Variants in PLCB1 observed in about 807,000 individuals in gnomAD.
PLCB1 encodes the protein 1-phosphatidylinositol 4,5-bisphosphate phosphodiesterase beta-1.
A neutral mutation model predicts 161.8 loss-of-function variants in PLCB1; 46 were observed. That is an observed-to-expected ratio of 0.28 (90% CI 0.22 to 0.36). The LOEUF is 0.36. Ranked by LOEUF, PLCB1 falls within the 10% of genes least tolerant of loss-of-function variation. PLCB1 has a pLI of 1.00. For missense variants in PLCB1, 1,016 were observed against 1,472.5 expected (o/e 0.69, Z 5.07); for synonymous variants, 517 against 503.7 (o/e 1.03, Z -0.35).
intron 6 of PLCB1, among the ~76,000 whole-genome samples, chr20:8,648,158 A>G (rs1989216733): frequency 6.6e-6 from 1 of 152,030 alleles, no homozygotes; most frequent in Non-Finnish European, 1.5e-5. Context: ...CTCTGGCATT[A>G]TTTTCAAGAA....
chr20:8,637,673 A>C (rs184436954), intron 4 of PLCB1, among the ~76,000 whole-genome samples: 9 of 152,356 alleles, frequency 5.9e-5, no homozygotes, highest in Admixed American at 5.2e-4. Context: ...TATACTTGTT[A>C]TTAGGAATGT....
intron 3 of PLCB1, among the ~76,000 whole-genome samples, chr20:8,448,651 A>G (rs1568680866): frequency 6.6e-6 from 1 of 152,220 alleles, no homozygotes; most frequent in Non-Finnish European, 1.5e-5. Context: ...GAGAATGTCA[A>G]TGTGATATCT....
chr20:8,716,682 T>C (rs965308987), intron 13 of PLCB1, among the ~76,000 whole-genome samples: 4 of 152,136 alleles, frequency 2.6e-5, no homozygotes, highest in Non-Finnish European at 4.4e-5. Context: ...CACACCTCTT[T>C]GAGATGAATG....
intron 3 of PLCB1, among the ~76,000 whole-genome samples, chr20:8,590,193 C>T (rs1987106860): frequency 6.6e-6 from 1 of 152,148 alleles, no homozygotes; most frequent in East Asian, 1.9e-4. Flanking sequence ...ACTGAGACAT[C>T]CTTGAAGAAT....
At chr20:8,869,844 T>C (rs753484124) in intron 31 of PLCB1, among the ~76,000 whole-genome samples, 2 of 152,108 alleles carry the variant, frequency 1.3e-5, no homozygotes, top group African/African-American at 4.8e-5. Context: ...TGGGTATCAG[T>C]TGGATGTTGA....
chr20:8,830,714 G>A (rs975994600), intron 31 of PLCB1, among the ~76,000 whole-genome samples: 1 of 151,876 alleles, frequency 6.6e-6, no homozygotes, highest in African/African-American at 2.4e-5. Flanking sequence ...AGAACCTACT[G>A]AATATGAGTC....
At chr20:8,145,465 C>T (rs1003171403) in intron 1 of PLCB1, among the ~76,000 whole-genome samples, 1 of 152,178 alleles carries the variant, frequency 6.6e-6, no homozygotes. Flanking sequence ...GACATACCTC[C>T]GCCTGGTAAA....
At chr20:8,444,211 C>T (rs934677934) in intron 3 of PLCB1, among the ~76,000 whole-genome samples, 87 of 151,688 alleles carry the variant, frequency 5.7e-4, no homozygotes, top group African/African-American at 2.0e-3. Context: ...CATGACAGGC[C>T]GCGGTGTGTG....
At chr20:8,572,938 T>C (rs1470932796) in intron 3 of PLCB1, among the ~76,000 whole-genome samples, 1 of 152,170 alleles carries the variant, frequency 6.6e-6, no homozygotes, top group East Asian at 1.9e-4. Flanking sequence ...TTAGTATTTA[T>C]ATATTTAATA....
chr20:8,658,476 C>A (rs1989527178), intron 8 of PLCB1, 62 bp from the exon 9 acceptor site: 1 of 1,262,786 alleles, frequency 7.9e-7, no homozygotes, highest in Non-Finnish European at 1.1e-6. Flanking sequence ...GAGTTAAATG[C>A]AAATATTAGA....
At chr20:8,636,998 G>A (rs1988781400) in intron 4 of PLCB1, among the ~76,000 whole-genome samples, 1 of 150,238 alleles carries the variant, frequency 6.7e-6, no homozygotes, top group Non-Finnish European at 1.5e-5. Context: ...CATTACCGGT[G>A]TGCCTAGCCT....
At position 8,851,148 on chromosome 20, in the gene PLCB1, G is replaced by A. The variant is rs141167184; in HGVS notation, c.3424-30474G>A. On this transcript the variant is annotated intron_variant, in intron 31 of 31. Transcript: ENST00000338037. Reference sequence around the variant, plus strand: ...CTGGGGCCATGTTCCAATGGACTTGGCAGCAATTAGCTGGATCTGAGGAGT... The same window carrying A: ...CTGGGGCCATGTTCCAATGGACTTGACAGCAATTAGCTGGATCTGAGGAGT... Among the ~76,000 whole-genome samples, 8 of 152,276 alleles carry A rather than the reference G, an allele frequency of 5.3e-5. No individual in the cohort carries two copies. In the East Asian group the frequency reaches 1.4e-3, roughly 26 times the overall value.
intron 9 of PLCB1, among the ~76,000 whole-genome samples, chr20:8,672,318 T>C (rs1179263183): frequency 6.6e-6 from 1 of 152,170 alleles, no homozygotes; most frequent in Non-Finnish European, 1.5e-5. Context: ...CATAAAAGAT[T>C]GTTAAACAAT....
At chr20:8,838,987 A>C (rs1452640887) in intron 31 of PLCB1, among the ~76,000 whole-genome samples, 1 of 152,212 alleles carries the variant, frequency 6.6e-6, no homozygotes, top group East Asian at 1.9e-4. Context: ...CGTCCTACAT[A>C]AGGGGCATAT....
chr20:8,178,810 A>G (rs1350312673), intron 2 of PLCB1, among the ~76,000 whole-genome samples: 2 of 152,110 alleles, frequency 1.3e-5, no homozygotes, highest in Non-Finnish European at 2.9e-5. Context: ...TTATTTTTGT[A>G]TATGGTTTAA....
intron 3 of PLCB1, among the ~76,000 whole-genome samples, chr20:8,411,654 C>G (rs916387349): frequency 6.6e-6 from 1 of 152,046 alleles, no homozygotes; most frequent in Non-Finnish European, 1.5e-5. Context: ...TATACAGAGA[C>G]CCCAATAGCA....
chr20:8,373,945 G>T lies in PLCB1; in HGVS notation c.246+2495G>T, dbSNP rs542468541. ...AAATATAATTTATTGAAAATGACTG[G>T]AATGTATTGAAAATTTCAGCGGAAT... On this transcript the variant is annotated intron_variant, in intron 3 of 31. Coordinates refer to ENST00000338037, the MANE Select transcript of PLCB1 (RefSeq NM_015192.4). Among the ~76,000 whole-genome samples the T allele has an allele frequency of 8.5e-5, 13 of 152,274 alleles. No individual in the cohort carries two copies. In the East Asian group the frequency reaches 2.5e-3, roughly 29 times the overall value.
Position 8,722,833 on chromosome 20 carries a change from C to T in PLCB1, c.1581+412C>T, listed in dbSNP as rs143784908. 9.9e-3 allele frequency among the ~76,000 whole-genome samples: 1,500 copies of T among 152,138 alleles called. 17 individuals are homozygous for T. Among genetic ancestry groups the T allele is most frequent in the Non-Finnish European group, 0.015 (1,009 of 68,010 alleles). On this transcript the variant is annotated intron_variant, in intron 15 of 31. Coordinates refer to ENST00000338037, the MANE Select transcript of PLCB1 (RefSeq NM_015192.4). ...ATCTGGGCAACAGAGAGAGACCTCACGCCTTTAAAAAAACAAGTTAAAATG... is the reference window on the plus strand; with the variant it reads ...ATCTGGGCAACAGAGAGAGACCTCATGCCTTTAAAAAAACAAGTTAAAATG...
At chr20:8,393,520 C>T (rs568957839) in intron 3 of PLCB1, among the ~76,000 whole-genome samples, 21 of 152,166 alleles carry the variant, frequency 1.4e-4, no homozygotes, top group Admixed American at 2.6e-4. Flanking sequence ...TGCAGTGGTG[C>T]ATGCCTGCCT....
Sources: allele counts gnomAD v4.1 joint callset (sites outside exome capture counted in the v4.1 genomes callset), GRCh38; gene constraint gnomAD v4.1.1; transcripts MANE v1.5; gene names NCBI Gene and HGNC (gene_info 2026-07-23, HGNC 2026-07-21).